Variants in DCAF5 observed in about 807,000 individuals in gnomAD.
The protein encoded by DCAF5 is DDB1- and CUL4-associated factor 5.
In DCAF5, 9 loss-of-function variants were observed where a neutral mutation model predicts 80.7. The observed-to-expected ratio is 0.11, with a 90% CI of 0.07 to 0.19. The LOEUF (loss-of-function observed/expected upper bound fraction) is 0.19, where lower values mean the gene tolerates loss of function less well. Among genes scored for constraint, DCAF5 ranks in the 10% least tolerant of loss-of-function variants. The probability of loss-of-function intolerance (pLI) is 1.00; values close to 1 mark genes in which losing one functional copy is unlikely to be tolerated. For synonymous variants in DCAF5, 433 were observed against 461.9 expected (o/e 0.94, Z 0.80); for missense variants, 842 against 1,205.7 (o/e 0.70, Z 4.47).
intron 1 of DCAF5, among the ~76,000 whole-genome samples, chr14:69,124,377 G>A (rs986821589): frequency 4.6e-5 from 7 of 152,096 alleles, no homozygotes; most frequent in African/African-American, 1.7e-4. Context: ...TATACTGCTT[G>A]ACTTTTTGCC....
intron 1 of DCAF5, among the ~76,000 whole-genome samples, chr14:69,123,419 T>C (rs1454664822): frequency 2.0e-5 from 3 of 152,238 alleles, no homozygotes; most frequent in Non-Finnish European, 4.4e-5. Context: ...TCTATGCTTG[T>C]ATTTGCATAG....
intron 6 of DCAF5, chr14:69,089,620 G>A (rs1328093299): frequency 6.6e-6 from 1 of 152,174 alleles, no homozygotes; most frequent in Non-Finnish European, 1.5e-5. Flanking sequence ...TGATATCTTT[G>A]ATGTATATAC....
At chr14:69,081,152 C>T (rs973784921) in intron 6 of DCAF5, among the ~76,000 whole-genome samples, 1 of 152,056 alleles carries the variant, frequency 6.6e-6, no homozygotes, top group South Asian at 2.1e-4. Flanking sequence ...AAGAACAGGG[C>T]GGGGCTCCAA....
rs770505725 is a variant in DCAF5, at chr14:69,054,324, G to A, written c.2362C>T (p.Arg788Trp). The A allele has an allele frequency of 4.3e-6, 7 of 1,614,066 alleles. No individual in the cohort carries two copies. Among genetic ancestry groups the A allele is most frequent in the East Asian group, 2.2e-5 (1 of 44,898 alleles). ...KKLNGKALSS[R>W]AEEPPSPPVP... is the part of the protein sequence containing the mutation. ...GGAGGAGAAGGCGGCTCCTCAGCCC[G>A]ACTGCTCAGGGCCTTTCCATTGAGC... is the stretch of plus-strand genomic sequence containing the variant. The change falls in exon 9 of 9, where the codon CGG (arginine) becomes TGG (tryptophan). Residue 788 changes from arginine to tryptophan, a missense_variant. By Grantham distance (101) the Arg-to-Trp change is moderately radical. This residue lies in a region of DCAF5 where 607 missense variants were observed against 656.6 expected (regional missense o/e 0.92). Coordinates refer to ENST00000341516, the MANE Select transcript of DCAF5 (RefSeq NM_003861.3).
At position 69,152,678 on chromosome 14, in the gene DCAF5, G is replaced by A. The variant is rs1595080456; in HGVS notation, c.214+87C>T. 1 of 995,536 alleles carries A rather than the reference G, an allele frequency of 1.0e-6. No homozygotes were observed. Among genetic ancestry groups the A allele is most frequent in the East Asian group, 2.6e-5 (1 of 38,548 alleles). The allele number at this position is 995,536 out of a possible 1,614,324, so 61.7% of individuals were successfully genotyped here. ...GAGAAAGGGAGGGGGTGGGGACAGAGGGCAGGAGGAGGGTGACGGGGGAGA... is the reference window on the plus strand; with the variant it reads ...GAGAAAGGGAGGGGGTGGGGACAGAAGGCAGGAGGAGGGTGACGGGGGAGA... On this transcript the variant is annotated intron_variant, in intron 1 of 8. Coordinates refer to ENST00000341516, the MANE Select transcript of DCAF5 (RefSeq NM_003861.3). This position sits in a 1 kb window ranked among gnomAD's most constrained non-coding sequence, Gnocchi z 4.1.
chr14:69,125,132 A>T (rs984535233), intron 1 of DCAF5, among the ~76,000 whole-genome samples: 2 of 152,226 alleles, frequency 1.3e-5, no homozygotes, highest in Non-Finnish European at 2.9e-5. Flanking sequence ...TAAATATTCT[A>T]TAGCCCCGAC....
intron 5 of DCAF5, among the ~76,000 whole-genome samples, chr14:69,099,679 A>G (rs2039881006): frequency 6.6e-6 from 1 of 152,212 alleles, no homozygotes; most frequent in Non-Finnish European, 1.5e-5. Flanking sequence ...ATGGTGGTTC[A>G]TGCCTGTAAT....
Position 69,142,343 on chromosome 14 carries a change from T to C in DCAF5, c.214+10422A>G, listed in dbSNP as rs541673818. On this transcript the variant is annotated intron_variant, in intron 1 of 8. Transcript: ENST00000341516. ...TAACTAAAGTGACAAACTACTACTG[T>C]CAAGTCTTTCCCTAAATCTCTGATT... Among the ~76,000 whole-genome samples, 6 of 152,232 alleles carry C rather than the reference T, an allele frequency of 3.9e-5. No individual in the cohort carries two copies. The South Asian group carries it at 1.2e-3, about 32-fold the overall frequency.
At chr14:69,058,176 A>G (rs1323393988) in intron 8 of DCAF5, among the ~76,000 whole-genome samples, 1 of 152,200 alleles carries the variant, frequency 6.6e-6, no homozygotes, top group Non-Finnish European at 1.5e-5. Context: ...TACACTGGAA[A>G]GTTAACAACT....
rs759571785 is a variant in DCAF5, at chr14:69,054,737, G to C, written c.1949C>G (p.Thr650Ser). 1.7e-5 allele frequency: 27 copies of C among 1,614,140 alleles called. No individual in the cohort carries two copies. The highest frequency in any genetic ancestry group is 3.3e-4 in the Middle Eastern group (2 of 6,084). Residue 650 changes from threonine (T) to serine (S), a missense_variant, in exon 9 of 9, where the codon ACT becomes AGT. Around this residue, in one of 5 missense-constraint regions of DCAF5, gnomAD observed 607 missense variants for 656.6 expected, o/e 0.92. Transcript: ENST00000341516. ...TCGCTCAACTGATTCTATGTCAGAAGTTGGTGATGCCCGGCTTGGTTGAAT... is the reference window on the plus strand; with the variant it reads ...TCGCTCAACTGATTCTATGTCAGAACTTGGTGATGCCCGGCTTGGTTGAAT... Reference protein sequence around the residue: ...LEIQPSRASPTSDIESVERKI... With the variant: ...LEIQPSRASPSSDIESVERKI...
intron 7 of DCAF5, among the ~76,000 whole-genome samples, chr14:69,074,958 C>T (rs1377210959): frequency 1.3e-5 from 2 of 151,300 alleles, no homozygotes; most frequent in African/African-American, 4.9e-5. Context: ...TGCTTGAACC[C>T]GGGAGGCAGA....
chr14:69,065,096 C>CTTTTTT lies in DCAF5; in HGVS notation c.947-2591_947-2586dup, dbSNP rs34005299. ...CTTGCACTTTCATGCAATATGACCT[C>CTTTTTT]TTTTTTTTTTTTTTTTTTTGAGACG... On this transcript the variant is annotated intron_variant, in intron 7 of 8. Coordinates refer to ENST00000341516, the MANE Select transcript of DCAF5 (RefSeq NM_003861.3). Among the ~76,000 whole-genome samples, 4 of 120,328 alleles carry CTTTTTT rather than the reference C, an allele frequency of 3.3e-5. 1 individual carries two copies. The highest frequency in any genetic ancestry group is 5.2e-4 in the South Asian group (2 of 3,868). The allele number at this position is 120,328 out of a possible 152,430, so 78.9% of individuals were successfully genotyped here.
chr14:69,083,384 A>C (rs2039190793), intron 6 of DCAF5: 1 of 259,300 alleles, frequency 3.9e-6, no homozygotes, highest in African/African-American at 2.3e-5. Context: ...TGGTCTAGAC[A>C]CTGCTTGGAC....
In DCAF5 at chr14:69,152,418, T is replaced by TAA. The variant is rs1255752884; in HGVS notation, c.214+345_214+346dup. 11 of 208,088 alleles carry TAA rather than the reference T, an allele frequency of 5.3e-5. No homozygotes were observed. The highest frequency in any genetic ancestry group is 8.8e-5 in the Non-Finnish European group (9 of 102,600). The allele number at this position is 208,088 out of a possible 1,614,324, so 12.9% of individuals were successfully genotyped here. A position where few individuals can be genotyped will look rare whatever the true frequency, so the allele number is the denominator to read the frequency against. Reference sequence around the variant, plus strand: ...TCCCCAAAATGCCCCCAGCACCTTTTAAAGTACGCGGAGGAAGAGTTTGCC... The same window carrying TAA: ...TCCCCAAAATGCCCCCAGCACCTTTTAAAAAGTACGCGGAGGAAGAGTTTGCC... On this transcript the variant is annotated intron_variant, in intron 1 of 8. Transcript: ENST00000341516. This position sits in a 1 kb window ranked among gnomAD's most constrained non-coding sequence, Gnocchi z 4.1.
intron 1 of DCAF5, among the ~76,000 whole-genome samples, chr14:69,144,221 A>G (rs2041462909): frequency 6.6e-6 from 1 of 152,138 alleles, no homozygotes; most frequent in African/African-American, 2.4e-5. Context: ...AAGGCCTGGC[A>G]TACGTTACAA....
intron 7 of DCAF5, among the ~76,000 whole-genome samples, chr14:69,068,882 T>G (rs558066482): frequency 1.3e-5 from 2 of 152,296 alleles, no homozygotes; most frequent in African/African-American, 4.8e-5. Flanking sequence ...GAGCAGTGAC[T>G]GCCTCCTGGA....
chr14:69,137,206 G>A (rs1385667744), intron 1 of DCAF5, among the ~76,000 whole-genome samples: 2 of 152,124 alleles, frequency 1.3e-5, no homozygotes, highest in African/African-American at 4.8e-5. Flanking sequence ...ACACGTCAAA[G>A]AATAAAAGTT....
intron 6 of DCAF5, among the ~76,000 whole-genome samples, chr14:69,079,029 C>T (rs1484778639): frequency 2.0e-5 from 3 of 152,066 alleles, no homozygotes; most frequent in Admixed American, 2.0e-4. Context: ...TTTCCTGTTA[C>T]GTTACACGTT....
chr14:69,070,338 C>T (rs1269992007), intron 7 of DCAF5, among the ~76,000 whole-genome samples: 1 of 152,176 alleles, frequency 6.6e-6, no homozygotes, highest in Non-Finnish European at 1.5e-5. Context: ...GGAAAAAATG[C>T]TTTGGAAATG....
Sources: gnomAD v4.1 joint callset for allele counts (sites outside exome capture counted in the v4.1 genomes callset) on GRCh38, gnomAD v4.1.1 for gene constraint, gnomAD v4.1.1 regional missense constraint, Gnocchi (gnomAD v3.1) non-coding constraint, MANE v1.5 for transcripts, NCBI Gene and HGNC (gene_info 2026-07-23, HGNC 2026-07-21) for gene names.